LGALS9: variants seen among roughly 807,000 people sequenced by gnomAD.
The protein encoded by LGALS9 is galectin 9, also known as galectin-9.
Under a neutral mutation model 35.9 loss-of-function variants are expected in LGALS9, and 26 were observed. That is an observed-to-expected ratio of 0.72 (90% confidence interval 0.53 to 1.01). The LOEUF is 1.01. LGALS9 is among the 50% of genes least tolerant of loss of function. The pLI, the probability that LGALS9 is intolerant of heterozygous loss-of-function variation, is 0.00. For synonymous variants in LGALS9, 149 were observed against 172.2 expected (o/e 0.87, Z 1.06); for missense variants, 347 against 445.8 (o/e 0.78, Z 1.99).
intron 1 of LGALS9, among the ~76,000 whole-genome samples, chr17:27,631,650 C>T (rs1273706654): frequency 1.3e-5 from 2 of 152,148 alleles, no homozygotes; most frequent in African/African-American, 4.8e-5. Context: ...CGCTACCCGG[C>T]ATGGTAGTTA....
At chr17:27,631,832 A>G (rs1279628833) in intron 1 of LGALS9, among the ~76,000 whole-genome samples, 1 of 151,946 alleles carries the variant, frequency 6.6e-6, no homozygotes, top group Non-Finnish European at 1.5e-5. Flanking sequence ...ACAGTGCCTG[A>G]CACACTGTAG....
At chr17:27,632,487 A>G (rs1324883251) in intron 1 of LGALS9, among the ~76,000 whole-genome samples, 2 of 152,090 alleles carry the variant, frequency 1.3e-5, no homozygotes, top group African/African-American at 4.8e-5. Flanking sequence ...CACCAATGAC[A>G]CCTCAGCCAC....
intron 3 of LGALS9, among the ~76,000 whole-genome samples, chr17:27,641,800 C>T (rs1356540534): frequency 6.6e-6 from 1 of 151,842 alleles, no homozygotes; most frequent in Non-Finnish European, 1.5e-5. Context: ...ATGGTGAAAC[C>T]CCATCTCTAC....
Position 27,631,276 on chromosome 17 carries a change from G to A in LGALS9, c.11G>A (p.Ser4Asn). The change falls in exon 1 of 11, where the codon AGC becomes AAC. Residue 4 changes from serine to asparagine, a missense_variant. Ser to Asn is a conservative substitution (Grantham distance 46). Transcript: ENST00000395473. ...AGAGGCGGCGGAGAGATGGCCTTCA[G>A]CGGTTCCCAGGCTCCCTACCTGAGT... Reference protein sequence around the residue: MAFSGSQAPYLSPA... With the variant: MAFNGSQAPYLSPA... 2 of 1,614,180 alleles carry A rather than the reference G, an allele frequency of 1.2e-6. No homozygotes were observed. Among genetic ancestry groups the A allele is most frequent in the East Asian group, 4.5e-5 (2 of 44,886 alleles).
intron 1 of LGALS9, among the ~76,000 whole-genome samples, chr17:27,633,070 C>T (rs752877900): frequency 2.0e-5 from 3 of 152,342 alleles, no homozygotes; most frequent in South Asian, 2.1e-4. Context: ...CCAGGAAGCA[C>T]TGGGAGAGCC....
chr17:27,637,953 G>A (rs1208904541), intron 1 of LGALS9, among the ~76,000 whole-genome samples: 1 of 151,988 alleles, frequency 6.6e-6, no homozygotes. Flanking sequence ...CCTTCTGCCT[G>A]GTGCATTCCT....
intron 2 of LGALS9, among the ~76,000 whole-genome samples, chr17:27,638,980 A>T (rs2074486159): frequency 6.6e-6 from 1 of 152,124 alleles, no homozygotes; most frequent in Non-Finnish European, 1.5e-5. Flanking sequence ...ACCGGGTGGC[A>T]CAGAGGTGTG....
intron 1 of LGALS9, among the ~76,000 whole-genome samples, chr17:27,635,001 G>A (rs770866043): frequency 4.6e-5 from 7 of 151,950 alleles, no homozygotes; most frequent in African/African-American, 1.7e-4. Flanking sequence ...TCTTTTTAAG[G>A]CTACACAGAA....
At chr17:27,645,026 C>T (rs2304890) in intron 5 of LGALS9, 6 of 512,282 alleles carry the variant, frequency 1.2e-5, no homozygotes, top group Admixed American at 3.6e-5. Context: ...TAATGCTCTT[C>T]GCTGTGGGAG....
chr17:27,640,287 C>T (rs1217423646), intron 2 of LGALS9: 1 of 483,138 alleles, frequency 2.1e-6, no homozygotes, highest in Non-Finnish European at 3.8e-6. Context: ...TTGGTAATCA[C>T]TTTCCAAGAC....
Position 27,640,774 on chromosome 17 carries a change from G to A in LGALS9, c.333+1G>A, listed in dbSNP as rs779719510. ...CCTGGTGCAGAGCTCAGATTTCAAG[G>A]TGAGCAAGAATCCCCTCCCCACCTC... On this transcript the variant is annotated splice_donor_variant, in intron 3 of 10. Transcript: ENST00000395473. LOFTEE classifies it high-confidence loss of function. 1.2e-5 allele frequency: 20 copies of A among 1,613,994 alleles called. No individual in the cohort carries two copies. The highest frequency in any genetic ancestry group is 1.7e-5 in the Non-Finnish European group (20 of 1,179,930).
At chr17:27,640,866 G>C in intron 3 of LGALS9, 93 bp downstream of exon 3, 1 of 1,547,336 alleles carries the variant, frequency 6.5e-7, no homozygotes, top group Non-Finnish European at 8.8e-7. Flanking sequence ...TTGACATTCA[G>C]CCAGAGTGAC....
chr17:27,646,974 C>A, intron 8 of LGALS9, 56 bp from the exon 9 acceptor site: 1 of 1,610,452 alleles, frequency 6.2e-7, no homozygotes, highest in South Asian at 1.1e-5. Flanking sequence ...TTCATGGGAA[C>A]TGGTACAATC....
chr17:27,636,079 G>A (rs866670113), intron 1 of LGALS9, among the ~76,000 whole-genome samples: 3 of 152,132 alleles, frequency 2.0e-5, no homozygotes, highest in African/African-American at 4.8e-5. Flanking sequence ...GAGTCTAACT[G>A]AATCAGATCC....
Position 27,631,228 on chromosome 17 carries a change from G to C in LGALS9, c.-38G>C. 6.2e-7 allele frequency: 1 copy of C among 1,614,082 alleles called. No homozygotes were observed. Among genetic ancestry groups the C allele is most frequent in the Non-Finnish European group, 8.5e-7 (1 of 1,179,972 alleles). ...CCCTCTACAAAGGACTTCCTAGTGG[G>C]TGTGAAAGGCAGCGGTGGCCACAGA... On this transcript the variant is annotated 5_prime_UTR_variant, in exon 1 of 11. Transcript: ENST00000395473.
At chr17:27,634,560 C>A (rs2074423348) in intron 1 of LGALS9, among the ~76,000 whole-genome samples, 1 of 151,670 alleles carries the variant, frequency 6.6e-6, no homozygotes, top group Non-Finnish European at 1.5e-5. Flanking sequence ...TCAAAAAAAA[C>A]AAAAAACAAA....
At chr17:27,640,860 C>G in intron 3 of LGALS9, 87 bp downstream of exon 3, 1 of 1,565,214 alleles carries the variant, frequency 6.4e-7, no homozygotes, top group Non-Finnish European at 8.7e-7. Flanking sequence ...CCTAAATTGA[C>G]ATTCAGCCAG....
At chr17:27,631,584 T>A (rs566474324) in intron 1 of LGALS9, among the ~76,000 whole-genome samples, 2 of 152,154 alleles carry the variant, frequency 1.3e-5, no homozygotes, top group African/African-American at 4.8e-5. Context: ...GGAAGACATG[T>A]AGAGCGGGGT....
intron 7 of LGALS9, among the ~76,000 whole-genome samples, 180 bp from the exon 8 acceptor site, chr17:27,646,367 A>G (rs147927912): frequency 0.025 from 3,763 of 152,276 alleles, 158 homozygotes; most frequent in African/African-American, 0.086. Flanking sequence ...GTCTGGGAAC[A>G]CGGCAGGAAG....
Sources: allele counts gnomAD v4.1 joint callset (sites outside exome capture counted in the v4.1 genomes callset), GRCh38; gene constraint gnomAD v4.1.1; transcripts MANE v1.5; gene names NCBI Gene and HGNC (gene_info 2026-07-23, HGNC 2026-07-21).